The following NUP35 variants were observed in gnomAD, a reference collection of about 807,000 sequenced individuals.
NUP35 encodes nucleoporin NUP35.
NUP35 carries 25 observed loss-of-function variants against 41.5 expected under a neutral mutation model. The ratio of observed to expected loss-of-function variants is 0.60; its 90% CI spans 0.44 to 0.84. The LOEUF (loss-of-function observed/expected upper bound fraction) is 0.84. Ranked by LOEUF, NUP35 falls within the 40% of genes least tolerant of loss-of-function variation. The probability of loss-of-function intolerance (pLI) is 0.00; values close to 1 mark genes in which losing one functional copy is unlikely to be tolerated. For synonymous variants in NUP35, 149 were observed against 130.7 expected, an observed-to-expected ratio of 1.14 and a Z score of -0.96; for missense variants, 396 against 396.6, an observed-to-expected ratio of 1.00 and a Z score of 0.01.
chr2:183,136,831 A>G (rs540295296), intron 4 of NUP35, among the ~76,000 whole-genome samples: 3 of 152,290 alleles, frequency 2.0e-5, no homozygotes, highest in African/African-American at 7.2e-5. Context: ...GGTTCATGCC[A>G]GTAATCCCAG....
chr2:183,133,904 G>A (rs76461067), intron 4 of NUP35, among the ~76,000 whole-genome samples: 6,871 of 152,116 alleles, frequency 0.045, 238 homozygotes, highest in South Asian at 0.15. Flanking sequence ...AAGGTATGGT[G>A]GGGTGAATAT....
intron 3 of NUP35, 137 bp downstream of exon 3, chr2:183,130,682 ACAT>A (rs1684667286): frequency 1.1e-6 from 1 of 950,614 alleles, no homozygotes; most frequent in East Asian, 2.4e-5. Context: ...AACATTAAAC[ACAT>A]CATAGAATCT....
At chr2:183,153,734 G>C (rs1456020886) in intron 5 of NUP35, among the ~76,000 whole-genome samples, 1 of 152,154 alleles carries the variant, frequency 6.6e-6, no homozygotes, top group Non-Finnish European at 1.5e-5. Context: ...CAGAGTGCAA[G>C]CTGTCAGTGG....
intron 1 of NUP35, among the ~76,000 whole-genome samples, chr2:183,125,259 T>G (rs1457694418): frequency 6.6e-6 from 1 of 151,958 alleles, no homozygotes; most frequent in Admixed American, 6.5e-5. Flanking sequence ...ATCTACCACT[T>G]TAACAGCACG....
chr2:183,130,181 T>C (rs1183054996), intron 2 of NUP35, among the ~76,000 whole-genome samples: 1 of 152,208 alleles, frequency 6.6e-6, no homozygotes, highest in Non-Finnish European at 1.5e-5. Flanking sequence ...AGTCTATGGA[T>C]CAGCAGCATT....
At chr2:183,151,988 T>C (rs1454687078) in intron 5 of NUP35, among the ~76,000 whole-genome samples, 3 of 152,160 alleles carry the variant, frequency 2.0e-5, no homozygotes, top group African/African-American at 7.2e-5. Context: ...CTCAAGCATA[T>C]TTACTAGATG....
intron 1 of NUP35, chr2:183,118,930 C>T (rs1205902644): frequency 6.6e-6 from 1 of 152,202 alleles, no homozygotes; most frequent in African/African-American, 2.4e-5. Context: ...GGCCTGTTAG[C>T]ACTTTGGAGG....
rs34264626 is a variant in NUP35, at chr2:183,133,638, CTTTTTT to C, written c.397+27_397+32del. 1.5e-6 allele frequency: 2 copies of C among 1,343,212 alleles called. No individual in the cohort carries two copies. Among genetic ancestry groups the C allele is most frequent in the Non-Finnish European group, 2.0e-6 (2 of 1,010,110 alleles). 83.2% of individuals were successfully genotyped at this position (1,343,212 alleles called of 1,614,324 possible). On this transcript the variant is annotated intron_variant, in intron 4 of 8. Transcript: ENST00000295119. Reference sequence around the variant, plus strand: ...TCCTGGAACAGGTAAGTGATTCTTTCTTTTTTTTTTTTTTTTTAAAAGACAGGGTCT... The same window carrying C: ...TCCTGGAACAGGTAAGTGATTCTTTCTTTTTTTTTTTAAAAGACAGGGTCT...
rs151185663 is a variant in NUP35 at position 183,148,807 on chromosome 2, C to T, written c.398-2701C>T. On this transcript the variant is annotated intron_variant, in intron 4 of 8. Coordinates refer to ENST00000295119, the MANE Select transcript of NUP35 (RefSeq NM_138285.5). ...TCAAATAGCTGGGACCACAGGCACA[C>T]ACCACTACGCCCAGCTAATTTTTTG... Among the ~76,000 whole-genome samples the T allele has an allele frequency of 2.5e-3, 388 of 152,228 alleles. 1 individual carries two copies. Among genetic ancestry groups the T allele is most frequent in the African/African-American group, 8.9e-3 (370 of 41,530 alleles).
Position 183,133,634 on chromosome 2 carries a change from C to A in NUP35, c.397+11C>A. On this transcript the variant is annotated intron_variant, in intron 4 of 8. Transcript: ENST00000295119. Reference sequence around the variant, plus strand: ...CTACTCCTGGAACAGGTAAGTGATTCTTTCTTTTTTTTTTTTTTTTTAAAA... The same window carrying A: ...CTACTCCTGGAACAGGTAAGTGATTATTTCTTTTTTTTTTTTTTTTTAAAA... 11 of 1,405,298 alleles carry A rather than the reference C, an allele frequency of 7.8e-6. No individual in the cohort carries two copies. Among genetic ancestry groups the A allele is most frequent in the African/African-American group, 1.6e-5 (1 of 60,800 alleles). 87.1% of individuals were successfully genotyped at this position (1,405,298 alleles called of 1,614,324 possible). A position where few individuals can be genotyped will look rare whatever the true frequency, so the allele number is the denominator to read the frequency against.
chr2:183,133,495 A>G (rs746886329), intron 3 of NUP35, 71 bp from the exon 4 acceptor site: 84 of 1,232,484 alleles, frequency 6.8e-5, no homozygotes, highest in South Asian at 1.2e-4. Flanking sequence ...TATCCATTGA[A>G]TGAAGCCTTT....
At chr2:183,133,507 A>G in intron 3 of NUP35, 59 bp from the exon 4 acceptor site, 4 of 1,369,546 alleles carry the variant, frequency 2.9e-6, no homozygotes, top group Non-Finnish European at 4.1e-6. Flanking sequence ...GAAGCCTTTT[A>G]ACACTTACTG....
chr2:183,155,031 T>A (rs546295203), intron 5 of NUP35, among the ~76,000 whole-genome samples: 1 of 152,216 alleles, frequency 6.6e-6, no homozygotes, highest in South Asian at 2.1e-4. Flanking sequence ...ATCATGAGAA[T>A]AGCATAGGAA....
chr2:183,127,793 C>T (rs187427980), intron 1 of NUP35, among the ~76,000 whole-genome samples: 1 of 152,260 alleles, frequency 6.6e-6, no homozygotes, highest in African/African-American at 2.4e-5. Flanking sequence ...ATTGTGCTGC[C>T]AGGTGTACTG....
At position 183,133,642 on chromosome 2, in the gene NUP35, T is replaced by C. The variant is rs762974649; in HGVS notation, c.397+19T>C. ...GGAACAGGTAAGTGATTCTTTCTTT[T>C]TTTTTTTTTTTTTAAAAGACAGGGT... On this transcript the variant is annotated intron_variant, in intron 4 of 8. Coordinates refer to ENST00000295119, the MANE Select transcript of NUP35 (RefSeq NM_138285.5). 36 of 1,487,630 alleles carry C rather than the reference T, an allele frequency of 2.4e-5. No homozygotes were observed. Among genetic ancestry groups the C allele is most frequent in the Admixed American group, 1.5e-4 (7 of 47,474 alleles). 92.2% of individuals were successfully genotyped at this position (1,487,630 alleles called of 1,614,324 possible).
chr2:183,124,376 C>G, upstream of NUP35: 2 of 1,612,744 alleles, frequency 1.2e-6, no homozygotes, highest in Non-Finnish European at 1.7e-6. Context: ...TAAGGTAGCA[C>G]GCCGTTACCC....
At chr2:183,159,922 A>G in intron 8 of NUP35, 1 of 354,018 alleles carries the variant, frequency 2.8e-6, no homozygotes, top group Non-Finnish European at 5.1e-6. Flanking sequence ...ATATTTGCAT[A>G]CATACGAAAT....
chr2:183,161,160 T>C lies in NUP35; in HGVS notation c.*29T>C. 3 of 1,531,210 alleles carry C rather than the reference T, an allele frequency of 2.0e-6. No homozygotes were observed. The highest frequency in any genetic ancestry group is 2.7e-6 in the Non-Finnish European group (3 of 1,106,492). 94.9% of individuals were successfully genotyped at this position (1,531,210 alleles called of 1,614,324 possible). Reference sequence around the variant, plus strand: ...AACACCAAGAAGGAGGTTGCTACACTAAAACAGAGTTAGCAGAGTGCTGCT... The same window carrying C: ...AACACCAAGAAGGAGGTTGCTACACCAAAACAGAGTTAGCAGAGTGCTGCT... On this transcript the variant is annotated 3_prime_UTR_variant, in exon 9 of 9. Transcript: ENST00000295119.
chr2:183,119,023 G>A (rs530370769), intron 1 of NUP35: 1 of 152,262 alleles, frequency 6.6e-6, no homozygotes, highest in East Asian at 1.9e-4. Flanking sequence ...GTCCTTAGGA[G>A]GTCAGATACC....
Sources: allele counts gnomAD v4.1 joint callset (sites outside exome capture counted in the v4.1 genomes callset), GRCh38; gene constraint gnomAD v4.1.1; transcripts MANE v1.5; gene names NCBI Gene and HGNC (gene_info 2026-07-23, HGNC 2026-07-21).